Variants in LCT observed in about 807,000 individuals in gnomAD.
The protein encoded by LCT is lactase.
Under a neutral mutation model 173.0 loss-of-function variants are expected in LCT, and 90 were observed. That is an observed-to-expected ratio of 0.52 (90% CI 0.44 to 0.62). The LOEUF is 0.62. LCT is among the 20% of genes least tolerant of loss of function. The probability of loss-of-function intolerance (pLI) is 0.00; values close to 1 mark genes in which losing one functional copy is unlikely to be tolerated. For missense variants in LCT, 1,864 were observed against 2,431.4 expected, an observed-to-expected ratio of 0.77 and a Z score of 4.91; for synonymous variants, 853 against 957.6, an observed-to-expected ratio of 0.89 and a Z score of 2.02.
chr2:135,820,274 C>T (rs1019998), intron 5 of LCT: 149,549 of 152,330 alleles, frequency 0.98, 73,456 homozygotes, highest in East Asian at 1. Flanking sequence ...CACCACCAAG[C>T]GCTGAGAGAA....
chr2:135,812,926 T>C lies in LCT; in HGVS notation c.1738A>G (p.Arg580Gly). The change falls in exon 7 of 17, where the codon AGA becomes GGA. Residue 580 changes from arginine to glycine, a missense_variant. Arg to Gly is a moderately radical substitution (Grantham distance 125). Around this residue, in one of 4 missense-constraint regions of LCT, gnomAD observed 183 missense variants for 293.1 expected, o/e 0.62. Transcript: ENST00000264162. Reference sequence around the variant, plus strand: ...TGGCTGTTGTAGTGGTGCCAAGTTCTGGCATGAGCCTTGAGGACCAAGTGA... The same window carrying C: ...TGGCTGTTGTAGTGGTGCCAAGTTCCGGCATGAGCCTTGAGGACCAAGTGA... ...VAHLVLKAHA[R>G]TWHHYNSHHR... 1 of 1,614,182 alleles carries C rather than the reference T, an allele frequency of 6.2e-7. No individual in the cohort carries two copies. Among genetic ancestry groups the C allele is most frequent in the East Asian group, 2.2e-5 (1 of 44,890 alleles).
At position 135,837,017 on chromosome 2, in the gene LCT, A is replaced by G. The variant is rs1306339314; in HGVS notation, c.153T>C (p.Ser51=). 6.2e-7 allele frequency: 1 copy of G among 1,613,708 alleles called. No individual in the cohort carries two copies. The highest frequency in any genetic ancestry group is 1.3e-5 in the African/African-American group (1 of 74,806). The change falls in exon 1 of 17, where the codon AGT becomes AGC. Residue 51 remains serine (S), a synonymous_variant. Coordinates refer to ENST00000264162, the MANE Select transcript of LCT (RefSeq NM_002299.4). ...HNLSGLLGDQ[S]SNFVAGDKDM... is the part of the protein sequence containing the mutation. ...CTTTGTCCCCTGCTACAAAGTTAGA[A>G]CTCTGGTCTCCCAGGAGACCACTCA...
At chr2:135,799,432 CA>C (rs1302601790) in intron 12 of LCT, among the ~76,000 whole-genome samples, 1 of 151,522 alleles carries the variant, frequency 6.6e-6, no homozygotes, top group Non-Finnish European at 1.5e-5. Flanking sequence ...TCTTGTCAGT[CA>C]GGGGTTCAGG....
Position 135,790,889 on chromosome 2 carries a change from T to C in LCT, c.5112-8A>G. 6.2e-7 allele frequency: 1 copy of C among 1,605,672 alleles called. No individual in the cohort carries two copies. The highest frequency in any genetic ancestry group is 8.5e-7 in the Non-Finnish European group (1 of 1,172,286). On this transcript the variant is annotated splice_polypyrimidine_tract_variant and splice_region_variant and intron_variant, in intron 14 of 16. Transcript: ENST00000264162. The surrounding 1 kb of genome is among the most constrained non-coding windows in gnomAD (Gnocchi z 4.1). ...GCGATGGAAGCAACTCCTCTACAAGTTCAAAAACTAAAGATGAGGTCTTGT... is the reference window on the plus strand; with the variant it reads ...GCGATGGAAGCAACTCCTCTACAAGCTCAAAAACTAAAGATGAGGTCTTGT...
chr2:135,831,994 A>G (rs2077944904), intron 2 of LCT, among the ~76,000 whole-genome samples: 1 of 152,168 alleles, frequency 6.6e-6, no homozygotes, highest in Non-Finnish European at 1.5e-5. Flanking sequence ...AGGCAGGTGG[A>G]TTACCTGAGG....
At chr2:135,827,563 G>C (rs772183781) in intron 3 of LCT, among the ~76,000 whole-genome samples, 2 of 152,144 alleles carry the variant, frequency 1.3e-5, no homozygotes, top group Non-Finnish European at 2.9e-5. Context: ...ACAGACTTGG[G>C]GGAGGTAGGG....
intron 7 of LCT, 26 bp downstream of exon 7, chr2:135,812,285 A>G: frequency 6.3e-7 from 1 of 1,598,544 alleles, no homozygotes; most frequent in Non-Finnish European, 8.6e-7. Flanking sequence ...CCACCTTCCA[A>G]TCACTGGCAC....
chr2:135,835,482 GTATATATATATATATA>G (rs55900419), intron 1 of LCT, among the ~76,000 whole-genome samples: 907 of 67,954 alleles, frequency 0.013, 20 homozygotes, highest in Non-Finnish European at 0.025. Context: ...GAACATAGAA[GTATATATATATATATA>G]TATATATATA....
chr2:135,824,087 C>T, intron 3 of LCT, 84 bp from the exon 4 acceptor site: 1 of 896,432 alleles, frequency 1.1e-6, no homozygotes, highest in Non-Finnish European at 1.9e-6. Flanking sequence ...AGATGAGAAG[C>T]TGTGGCACTT....
chr2:135,823,911 G>C lies in LCT; in HGVS notation c.897C>G (p.Ser299Arg). The change falls in exon 4 of 17, where the codon AGC (serine) becomes AGG (arginine). Residue 299 changes from serine to arginine, a missense_variant. By Grantham distance (110) the Ser-to-Arg change is moderately radical (BLOSUM62 -1). Transcript: ENST00000264162. ...CAATGGCCCACTCACCTTCAAAAAGGCTGAAGAGCAGACTGGCTGGGTTCT... is the reference window on the plus strand; with the variant it reads ...CAATGGCCCACTCACCTTCAAAAAGCCTGAAGAGCAGACTGGCTGGGTTCT... ...TMKNPASLLF[S>R]LFEAINKDQV... The C allele has an allele frequency of 6.2e-7, 1 of 1,610,064 alleles. No individual in the cohort carries two copies. Among genetic ancestry groups the C allele is most frequent in the South Asian group, 1.1e-5 (1 of 91,000 alleles).
At chr2:135,789,521 C>CA (rs760483548) in intron 16 of LCT, 50 bp downstream of exon 16, 2 of 1,341,944 alleles carry the variant, frequency 1.5e-6, no homozygotes, top group South Asian at 2.4e-5. Context: ...GAGGCCCTTC[C>CA]ACCTGCCCTT....
intron 5 of LCT, chr2:135,821,596 TC>T (rs756539348): frequency 4.9e-6 from 1 of 204,424 alleles, no homozygotes; most frequent in Non-Finnish European, 1.0e-5. Context: ...TCCTCTGACC[TC>T]AGTCTCCCAA....
At chr2:135,801,383 A>T (rs574467808) in intron 11 of LCT, among the ~76,000 whole-genome samples, 2 of 152,154 alleles carry the variant, frequency 1.3e-5, no homozygotes, top group African/African-American at 2.4e-5. Flanking sequence ...TGTTATATTC[A>T]GAAAGGACTA....
intron 8 of LCT, among the ~76,000 whole-genome samples, chr2:135,808,182 T>A (rs1355123932): frequency 1.3e-5 from 2 of 152,194 alleles, no homozygotes; most frequent in Non-Finnish European, 2.9e-5. Context: ...AATGAATGAA[T>A]GGACCCATGA....
chr2:135,815,774 A>C (rs2077776159), intron 6 of LCT, among the ~76,000 whole-genome samples: 1 of 152,022 alleles, frequency 6.6e-6, no homozygotes. Flanking sequence ...ATCTCGGCTC[A>C]CTACAACCTC....
chr2:135,829,819 T>C, intron 2 of LCT, 143 bp from the exon 3 acceptor site: 1 of 497,710 alleles, frequency 2.0e-6, no homozygotes, highest in Non-Finnish European at 3.7e-6. Context: ...AAGATGGAGA[T>C]GGAATGAGAA....
intron 14 of LCT, among the ~76,000 whole-genome samples, chr2:135,792,868 C>T (rs1479175309): frequency 2.6e-5 from 4 of 152,142 alleles, no homozygotes; most frequent in Non-Finnish European, 5.9e-5. Flanking sequence ...CGCCCATAAC[C>T]TGAGAAACCC....
intron 6 of LCT, among the ~76,000 whole-genome samples, chr2:135,814,290 T>G (rs2077760951): frequency 6.6e-6 from 1 of 152,176 alleles, no homozygotes; most frequent in Admixed American, 6.5e-5. Flanking sequence ...CTGTGCTCCT[T>G]TCCCAAAAGC....
Position 135,836,729 on chromosome 2 carries a change from A to G in LCT, c.441T>C (p.Phe147=). Residue 147 remains phenylalanine, a synonymous_variant, in exon 1 of 17, where the codon TTT becomes TTC. Coordinates refer to ENST00000264162, the MANE Select transcript of LCT (RefSeq NM_002299.4). The part of the protein sequence containing the change: ...PASTLRRTEA[F]ADLFADYATF... The stretch of plus-strand genomic sequence containing the variant: ...TGGCATAGTCGGCGAAGAGGTCAGC[A>G]AAGGCTTCGGTTCTCCGGAGGGTGC... The G allele has an allele frequency of 6.2e-7, 1 of 1,614,158 alleles. No homozygotes were observed. Among genetic ancestry groups the G allele is most frequent in the Non-Finnish European group, 8.5e-7 (1 of 1,180,032 alleles).
Sources: gnomAD v4.1 joint callset for allele counts (sites outside exome capture counted in the v4.1 genomes callset) on GRCh38, gnomAD v4.1.1 for gene constraint, gnomAD v4.1.1 regional missense constraint, Gnocchi (gnomAD v3.1) non-coding constraint, MANE v1.5 for transcripts, NCBI Gene and HGNC (gene_info 2026-07-23, HGNC 2026-07-21) for gene names.